Variants in MUC6 observed in about 807,000 individuals in gnomAD.
MUC6 encodes mucin-6.
In MUC6, 188 loss-of-function variants were observed where a neutral mutation model predicts 201.5. The observed-to-expected ratio is 0.93, with a 90% CI of 0.83 to 1.05. The LOEUF (loss-of-function observed/expected upper bound fraction) is 1.05. Ranked by LOEUF, MUC6 falls within the 50% of genes least tolerant of loss-of-function variation. The pLI is 0.00. For missense variants in MUC6, 2,706 were observed against 3,256.9 expected (o/e 0.83, Z 4.12); for synonymous variants, 1,228 against 1,389.4 (o/e 0.88, Z 2.58).
chr11:1,031,582 C>A (rs1163045739), intron 4 of MUC6, 25 bp downstream of exon 4: 21 of 1,543,576 alleles, frequency 1.4e-5, no homozygotes, highest in South Asian at 1.2e-5. Context: ...GGTCTCCAGG[C>A]CCACCCTGGC....
At chr11:1,023,785 C>T (rs548246227) in intron 25 of MUC6, 133 bp from the exon 26 acceptor site, 1 of 1,453,474 alleles carries the variant, frequency 6.9e-7, no homozygotes, top group Non-Finnish European at 9.2e-7. Flanking sequence ...GAAGCCTCCC[C>T]TGGGCAGCTG....
Position 1,013,920 on chromosome 11 carries a change from C to T in MUC6, c.7121G>A (p.Gly2374Asp). The change falls in exon 32 of 33, where the codon GGC (glycine) becomes GAC (aspartate). Residue 2374 changes from glycine to aspartate, a missense_variant. Coordinates refer to ENST00000421673, the MANE Select transcript of MUC6 (RefSeq NM_005961.3). ...TCACCTGGCAGCGGAAATGCAGGCG[C>T]CCTCACAGCGGGTTACCGTCACGTT... ...MANVTVTRCE[G>D]ACISAASFNI... The T allele has an allele frequency of 1.2e-6, 2 of 1,606,796 alleles. No homozygotes were observed. The highest frequency in any genetic ancestry group is 1.7e-6 in the Non-Finnish European group (2 of 1,177,468).
intron 7 of MUC6, 31 bp from the exon 8 acceptor site, chr11:1,030,366 T>TTCCCC: frequency 1.3e-6 from 2 of 1,489,596 alleles, no homozygotes; most frequent in Non-Finnish European, 1.8e-6. Flanking sequence ...GGTGAGAGGG[T>TTCCCC]CCCACCCCCC....
chr11:1,024,267 C>T (rs181903237), intron 24 of MUC6, among the ~76,000 whole-genome samples, 164 bp from the exon 25 acceptor site: 72 of 152,306 alleles, frequency 4.7e-4, no homozygotes, highest in Non-Finnish European at 7.8e-4. Context: ...CCGCTAGCCA[C>T]GCTCCCGGAG....
In MUC6 at chr11:1,026,395, C is replaced by G. The variant is rs1856960380; in HGVS notation, c.2478G>C (p.Glu826Asp). The G allele has an allele frequency of 2.5e-6, 4 of 1,608,930 alleles. No homozygotes were observed. The highest frequency in any genetic ancestry group is 1.7e-5 in the Admixed American group (1 of 59,552). Reference protein sequence around the residue: ...NADGQCVPPEECPCEFSGVSY... With the variant: ...NADGQCVPPEDCPCEFSGVSY... Reference sequence around the variant, plus strand: ...AGACCCCCGAGAACTCACATGGGCACTCCTCGGGGGGCACACACTGCCCGT... The same window carrying G: ...AGACCCCCGAGAACTCACATGGGCAGTCCTCGGGGGGCACACACTGCCCGT... Residue 826 changes from glutamate to aspartate, a missense_variant, in exon 20 of 33, where the codon GAG (glutamate) becomes GAC (aspartate). By Grantham distance (45) the Glu-to-Asp change is conservative (BLOSUM62 2). This residue lies in a region of MUC6 where 1,850 missense variants were observed against 1,958.3 expected (regional missense o/e 0.94). Transcript: ENST00000421673.
rs201575860 is a variant in MUC6, at chr11:1,023,675, C to T, written c.3383-23G>A. The T allele has an allele frequency of 1.7e-4, 275 of 1,610,092 alleles. 1 individual carries two copies. The African/African-American group carries it at 3.4e-3, about 20-fold the overall frequency. ...TGGCTGGGAGGAAGGGAGCTGTCAG[C>T]TGGTGGGGTTCCTGGCCCTGGCCCT... On this transcript the variant is annotated intron_variant, in intron 25 of 32. Transcript: ENST00000421673.
At chr11:1,034,442 G>GC (rs979432056) in intron 1 of MUC6, among the ~76,000 whole-genome samples, 2 of 152,172 alleles carry the variant, frequency 1.3e-5, no homozygotes, top group Admixed American at 6.5e-5. Context: ...ATGGTCCTCA[G>GC]CCCCCCGCCA....
At chr11:1,025,705 C>T (rs1856939963) in intron 22 of MUC6, 100 bp downstream of exon 22, 1 of 1,174,096 alleles carries the variant, frequency 8.5e-7, no homozygotes. Context: ...AGGGCTGCAT[C>T]TCGGGGCAGG....
rs772618738 is a variant in MUC6, at chr11:1,027,004, G to A, written c.2331C>T (p.Ser777=). Residue 777 remains serine (S), a synonymous_variant, in exon 19 of 33, where the codon TCC becomes TCT. Transcript: ENST00000421673. ...PKTFKSCSQS[S]ENKFGAACAP... Reference sequence around the variant, plus strand: ...CACAGGCTGCCCCAAACTTGTTCTCGGAGGACTGGCTGCAGGACTTGAAGG... The same window carrying A: ...CACAGGCTGCCCCAAACTTGTTCTCAGAGGACTGGCTGCAGGACTTGAAGG... 2.0e-5 allele frequency: 32 copies of A among 1,603,108 alleles called. No homozygotes were observed. Among genetic ancestry groups the A allele is most frequent in the African/African-American group, 6.7e-5 (5 of 74,726 alleles).
chr11:1,027,278 C>G lies in MUC6; in HGVS notation c.2221G>C (p.Gly741Arg). 1.2e-6 allele frequency: 2 copies of G among 1,612,454 alleles called. No homozygotes were observed. Among genetic ancestry groups the G allele is most frequent in the Non-Finnish European group, 8.5e-7 (1 of 1,179,824 alleles). The change falls in exon 17 of 33, where the codon GGC (glycine) becomes CGC (arginine). Residue 741 changes from glycine to arginine, a missense_variant. This residue lies in a region of MUC6 where 1,850 missense variants were observed against 1,958.3 expected (regional missense o/e 0.94). Coordinates refer to ENST00000421673, the MANE Select transcript of MUC6 (RefSeq NM_005961.3). ...TGCCCGGTCCCTCACCAGGTGATGC[C>G]GTTGATGACAGTGGACTGCTCGGCC... ...ILAEQSTVIN[G>R]ITCHCINGRL...
chr11:1,035,687 G>A (rs1032920031), intron 1 of MUC6, among the ~76,000 whole-genome samples: 1 of 152,030 alleles, frequency 6.6e-6, no homozygotes, highest in Non-Finnish European at 1.5e-5. Flanking sequence ...GGACACCCCT[G>A]GGGGGGTCCC....
rs575828925 is a variant in MUC6, at chr11:1,013,368, G to T, written c.*88C>A. 244 of 1,372,566 alleles carry T rather than the reference G, an allele frequency of 1.8e-4. No individual in the cohort carries two copies. The African/African-American group carries it at 2.6e-3, about 15-fold the overall frequency. 85.0% of individuals were successfully genotyped at this position (1,372,566 alleles called of 1,614,324 possible). On this transcript the variant is annotated 3_prime_UTR_variant, in exon 33 of 33. Transcript: ENST00000421673. ...AGGCCTGGTGACCAGGAAAGCAGCT[G>T]CTGGCACAAGCGGGAAGGGGGCTGG... is the stretch of plus-strand genomic sequence containing the variant.
Position 1,029,249 on chromosome 11 carries a change from G to A in MUC6, c.1254C>T (p.Thr418=), listed in dbSNP as rs1385689893. The A allele has an allele frequency of 6.2e-7, 1 of 1,607,860 alleles. No homozygotes were observed. The highest frequency in any genetic ancestry group is 1.7e-5 in the Admixed American group (1 of 59,226). Residue 418 remains threonine, a synonymous_variant, in exon 10 of 33, where the codon ACC becomes ACT. Transcript: ENST00000421673. Reference sequence around the variant, plus strand: ...CTACCTGGAGGAGGATGTAGGTGCAGGTGCCGTGGAAGCGGTAGGGCCTGG... The same window carrying A: ...CTACCTGGAGGAGGATGTAGGTGCAAGTGCCGTGGAAGCGGTAGGGCCTGG... ...FDARPYRFHG[T]CTYILLQSPQ... is the part of the protein sequence containing the mutation.
rs771156620 is a variant in MUC6 at position 1,013,499 on chromosome 11, A to G, written c.7277T>C (p.Val2426Ala). 1.4e-5 allele frequency: 22 copies of G among 1,583,314 alleles called. No individual in the cohort carries two copies. Among genetic ancestry groups the G allele is most frequent in the Non-Finnish European group, 1.9e-5 (22 of 1,166,496 alleles). Residue 2426 changes from valine (V) to alanine (A), a missense_variant, in exon 33 of 33, where the codon GTG (valine) becomes GCG (alanine). Val to Ala is a moderately conservative substitution (Grantham distance 64, BLOSUM62 0). Transcript: ENST00000421673. Reference protein sequence around the residue: ...PGRRLVLTLQVFSHCVCSSVA... With the variant: ...PGRRLVLTLQAFSHCVCSSVA... The stretch of plus-strand genomic sequence containing the variant: ...AGAGCTGCACACGCAGTGGCTGAAC[A>G]CCTGCAGGGTGAGTACGAGCCGCCG...
In MUC6 at chr11:1,028,840, C is replaced by T. The variant is rs376608455; in HGVS notation, c.1453+49G>A. ...GGCTCCCTCCCCACCCACTGCAGCC[C>T]GCCCCGAAGGCACAACTCTGGGGGG... On this transcript the variant is annotated intron_variant, in intron 12 of 32. Coordinates refer to ENST00000421673, the MANE Select transcript of MUC6 (RefSeq NM_005961.3). 7.4e-4 allele frequency: 1,193 copies of T among 1,609,646 alleles called. 2 individuals carry two copies. The highest frequency in any genetic ancestry group is 1.8e-3 in the African/African-American group (133 of 75,066).
In MUC6 at chr11:1,029,271, C is replaced by T. The variant is rs1315307045; in HGVS notation, c.1232G>A (p.Arg411Lys). The T allele has an allele frequency of 6.2e-7, 1 of 1,607,410 alleles. No homozygotes were observed. ...GCAGGTGCCGTGGAAGCGGTAGGGCCTGGCGTCAAATGTGGTAACAAAGGA... is the reference window on the plus strand; with the variant it reads ...GCAGGTGCCGTGGAAGCGGTAGGGCTTGGCGTCAAATGTGGTAACAAAGGA... ...GGSFVTTFDA[R>K]PYRFHGTCTY... The change falls in exon 10 of 33, where the codon AGG becomes AAG. Residue 411 changes from arginine (R) to lysine (K), a missense_variant. Around this residue, in one of 10 missense-constraint regions of MUC6, gnomAD observed 1,850 missense variants for 1,958.3 expected, o/e 0.94. Transcript: ENST00000421673.
chr11:1,020,407 AGCCTG>A (rs1237005480), intron 28 of MUC6, 150 bp from the exon 29 acceptor site: 3 of 1,156,574 alleles, frequency 2.6e-6, no homozygotes, highest in Non-Finnish European at 3.6e-6. Flanking sequence ...CTCTGAGTGC[AGCCTG>A]GCTCCTGGCT....
chr11:1,032,928 G>T (rs1857143013), intron 2 of MUC6, 85 bp downstream of exon 2: 2 of 1,240,156 alleles, frequency 1.6e-6, no homozygotes, highest in Admixed American at 2.3e-5. Flanking sequence ...GTGTCTTGGG[G>T]GTGACCTGGG....
Position 1,016,569 on chromosome 11 carries a change from A to C in MUC6, c.6232T>G (p.Phe2078Val). The change falls in exon 31 of 33, where the codon TTC becomes GTC. Residue 2078 changes from phenylalanine (F) to valine (V), a missense_variant. Phe to Val is a conservative substitution (Grantham distance 50). Coordinates refer to ENST00000421673, the MANE Select transcript of MUC6 (RefSeq NM_005961.3). ...TSGTSQTHSS[F>V]STATASSSFI... ...GAAGAAGAGGCTGTAGCTGTGCTGA[A>C]TGAGCTGTGGGTTTGGCTGGTCCCA... 6.2e-7 allele frequency: 1 copy of C among 1,612,284 alleles called. No homozygotes were observed. Among genetic ancestry groups the C allele is most frequent in the Non-Finnish European group, 8.5e-7 (1 of 1,179,088 alleles).
Sources: gnomAD v4.1 joint callset for allele counts (sites outside exome capture counted in the v4.1 genomes callset) on GRCh38, gnomAD v4.1.1 for gene constraint, gnomAD v4.1.1 regional missense constraint, MANE v1.5 for transcripts, NCBI Gene and HGNC (gene_info 2026-07-23, HGNC 2026-07-21) for gene names.